The following NUP160 variants were observed in gnomAD, a reference collection of about 807,000 sequenced individuals.
NUP160 encodes nucleoporin 160, also known as nuclear pore complex protein Nup160.
NUP160 carries 94 observed loss-of-function variants against 196.9 expected under a neutral mutation model. The ratio of observed to expected loss-of-function variants is 0.48; its 90% CI spans 0.40 to 0.57. The LOEUF (loss-of-function observed/expected upper bound fraction) is 0.57. Among genes scored for constraint, NUP160 ranks in the 20% least tolerant of loss-of-function variants. The pLI, the probability that NUP160 is intolerant of heterozygous loss-of-function variation, is 0.00. For missense variants in NUP160, 1,638 were observed against 1,748.3 expected, an observed-to-expected ratio of 0.94 and a Z score of 1.13; for synonymous variants, 605 against 619.7, an observed-to-expected ratio of 0.98 and a Z score of 0.35.
intron 27 of NUP160, among the ~76,000 whole-genome samples, chr11:47,795,318 G>A (rs995798939): frequency 1.3e-5 from 2 of 152,146 alleles, no homozygotes; most frequent in African/African-American, 4.8e-5. Context: ...CCTTGCTCTA[G>A]AAAAACCTGA....
intron 33 of NUP160, 96 bp downstream of exon 33, chr11:47,784,826 G>A (rs778948238): frequency 1.7e-5 from 16 of 941,624 alleles, no homozygotes; most frequent in Non-Finnish European, 2.4e-5. Flanking sequence ...ACAGGTATGA[G>A]CCACTGCAAT....
At chr11:47,782,303 A>AAAAAAAT (rs2097661658) in intron 34 of NUP160, among the ~76,000 whole-genome samples, 1 of 40,530 alleles carries the variant, frequency 2.5e-5, no homozygotes, top group African/African-American at 1.2e-4. Flanking sequence ...AAAAAAAAAA[A>AAAAAAAT]ATATATATAT....
At chr11:47,788,540 T>C in exon 30 of NUP160, 1 of 1,614,052 alleles carries the variant, frequency 6.2e-7, no homozygotes, top group South Asian at 1.1e-5. Flanking sequence ...TGAGCCAAAG[T>C]GAGGCGGATG....
chr11:47,792,113 CA>C (rs1336361364), intron 28 of NUP160, 123 bp from the exon 29 acceptor site: 3 of 643,710 alleles, frequency 4.7e-6, no homozygotes, highest in Non-Finnish European at 8.0e-6. Context: ...TTTCGACCAG[CA>C]GAGCTCTTCT....
At chr11:47,804,683 T>C in intron 20 of NUP160, 65 bp from the exon 21 acceptor site, 1 of 1,097,122 alleles carries the variant, frequency 9.1e-7, no homozygotes, top group Non-Finnish European at 1.3e-6. Flanking sequence ...ACATTGGGCA[T>C]CAAATTCAGA....
At chr11:47,811,921 C>G (rs770354553) in intron 17 of NUP160, 143 bp downstream of exon 17, 1 of 656,492 alleles carries the variant, frequency 1.5e-6, no homozygotes, top group Non-Finnish European at 2.6e-6. Context: ...TATAGAGCAT[C>G]TCATAAGGCC....
chr11:47,847,983 T>C, intron 1 of NUP160, 24 bp from the exon 2 acceptor site: 1 of 1,562,040 alleles, frequency 6.4e-7, no homozygotes, highest in Non-Finnish European at 8.8e-7. Flanking sequence ...GTGGTCAGCC[T>C]GCACACGCGT....
intron 2 of NUP160, among the ~76,000 whole-genome samples, chr11:47,842,137 T>C (rs1040849061): frequency 3.3e-5 from 5 of 152,128 alleles, no homozygotes; most frequent in African/African-American, 4.8e-5. Flanking sequence ...ATGAATCCTA[T>C]GATACTACCC....
At chr11:47,837,913 T>C (rs1446336813) in intron 4 of NUP160, among the ~76,000 whole-genome samples, 1 of 152,200 alleles carries the variant, frequency 6.6e-6, no homozygotes, top group Non-Finnish European at 1.5e-5. Context: ...AAACAATCAC[T>C]AGGTACCTTT....
At chr11:47,784,730 T>C (rs1031367838) in intron 33 of NUP160, 192 bp downstream of exon 33, 1 of 372,942 alleles carries the variant, frequency 2.7e-6, no homozygotes, top group African/African-American at 2.1e-5. Flanking sequence ...TAAATAGAGA[T>C]GGGGTCTCCC....
chr11:47,793,658 A>ATG (rs1238477812), intron 27 of NUP160, among the ~76,000 whole-genome samples: 2 of 148,774 alleles, frequency 1.3e-5, no homozygotes, highest in Non-Finnish European at 3.0e-5. Context: ...GTGTCCATTG[A>ATG]TGGATGAACA....
Position 47,806,947 on chromosome 11 carries a change from A to G in NUP160, c.2446+123T>C, listed in dbSNP as rs531853843. The stretch of plus-strand genomic sequence containing the variant: ...GGAGATCTCAGGCCACAGCTTACTC[A>G]TGCCTTCTGAAAGCAAAGAGCCTAG... On this transcript the variant is annotated intron_variant, in intron 19 of 35. Transcript: ENST00000378460. 6.0e-6 allele frequency: 4 copies of G among 664,338 alleles called. No individual in the cohort carries two copies. In the East Asian group the frequency reaches 1.1e-4, roughly 18 times the overall value. 41.2% of individuals were successfully genotyped at this position (664,338 alleles called of 1,614,324 possible).
In NUP160 at chr11:47,821,828, G is replaced by A; in HGVS notation, c.1180-7C>T. 1 of 1,601,224 alleles carries A rather than the reference G, an allele frequency of 6.2e-7. No individual in the cohort carries two copies. The highest frequency in any genetic ancestry group is 8.6e-7 in the Non-Finnish European group (1 of 1,168,366). The stretch of plus-strand genomic sequence containing the variant: ...CAAAGTCAATCAGTGTCTCCTAGGA[G>A]GAAATGTGGGAAAAAAAGGGATAAA... On this transcript the variant is annotated splice_region_variant and splice_polypyrimidine_tract_variant and intron_variant, in intron 8 of 35. Coordinates refer to ENST00000378460, the Ensembl canonical transcript of NUP160.
At chr11:47,808,365 C>T (rs909353276) in intron 18 of NUP160, 31 bp downstream of exon 18, 2 of 1,580,536 alleles carry the variant, frequency 1.3e-6, no homozygotes, top group Non-Finnish European at 1.7e-6. Flanking sequence ...TCACAATTTA[C>T]ATTTTAAATA....
In NUP160 at chr11:47,820,712, C is replaced by T. The variant is rs567106028; in HGVS notation, c.1277+1012G>A. On this transcript the variant is annotated intron_variant, in intron 9 of 35. Coordinates refer to ENST00000378460, the Ensembl canonical transcript of NUP160. ...GATTACAGGCACATACCACCACGCC[C>T]GGCTAATTTTTGTATTTTTAGTAGA... Among the ~76,000 whole-genome samples, 31 of 152,120 alleles carry T rather than the reference C, an allele frequency of 2.0e-4. 1 individual carries two copies. The highest frequency in any genetic ancestry group is 4.3e-4 in the African/African-American group (18 of 41,502).
At chr11:47,779,520 CCAAGTGAAATATAGA>C (rs1565183034) in intron 35 of NUP160, 1 of 510,826 alleles carries the variant, frequency 2.0e-6, no homozygotes. Context: ...TTATTAGCTG[CCAAGTGAAATATAGA>C]ACTAATATTT....
chr11:47,791,267 T>C (rs1353970036), intron 29 of NUP160, among the ~76,000 whole-genome samples: 1 of 152,230 alleles, frequency 6.6e-6, no homozygotes, highest in Non-Finnish European at 1.5e-5. Flanking sequence ...AACTCTTTCT[T>C]GTCATGTTAT....
At chr11:47,796,875 T>C (rs543967835) in intron 27 of NUP160, among the ~76,000 whole-genome samples, 1 of 152,272 alleles carries the variant, frequency 6.6e-6, no homozygotes, top group East Asian at 1.9e-4. Flanking sequence ...GTATTTTCAG[T>C]AGAGAGGGGA....
rs1161278565 is a variant in NUP160 at position 47,811,981 on chromosome 11, T to C, written c.2241+83A>G. The C allele has an allele frequency of 4.8e-6, 6 of 1,258,488 alleles. No homozygotes were observed. The Admixed American group carries it at 9.4e-5, about 20-fold the overall frequency. The allele number at this position is 1,258,488 out of a possible 1,614,324, so 78.0% of individuals were successfully genotyped here. A position where few individuals can be genotyped will look rare whatever the true frequency, so the allele number is the denominator to read the frequency against. On this transcript the variant is annotated intron_variant, in intron 17 of 35. Coordinates refer to ENST00000378460, the Ensembl canonical transcript of NUP160. ...ACCAAGACAAAAGTATCTGTGCTAGTAGGGCTGACATTTTGCTCCTAAGTG... is the reference window on the plus strand; with the variant it reads ...ACCAAGACAAAAGTATCTGTGCTAGCAGGGCTGACATTTTGCTCCTAAGTG...
Sources: gnomAD v4.1 joint callset for allele counts (sites outside exome capture counted in the v4.1 genomes callset) on GRCh38, gnomAD v4.1.1 for gene constraint, MANE v1.5 for transcripts, NCBI Gene and HGNC (gene_info 2026-07-23, HGNC 2026-07-21) for gene names.